The following SPIRE2 variants were observed in gnomAD, a reference collection of about 807,000 sequenced individuals.
The protein encoded by SPIRE2 is protein spire homolog 2.
SPIRE2 carries 76 observed loss-of-function variants against 80.7 expected under a neutral mutation model. That is an observed-to-expected ratio of 0.94 (90% confidence interval 0.78 to 1.14). The LOEUF (loss-of-function observed/expected upper bound fraction) is 1.14. Ranked by LOEUF, SPIRE2 falls within the 50% of genes most tolerant of loss-of-function variation. SPIRE2 has a pLI of 0.00. For missense variants in SPIRE2, 1,196 were observed against 1,015.3 expected (o/e 1.18, Z -2.42); for synonymous variants, 535 against 432.6 (o/e 1.24, Z -2.94).
intron 5 of SPIRE2, among the ~76,000 whole-genome samples, chr16:89,855,387 C>T (rs144661710): frequency 0.011 from 1,680 of 152,132 alleles, 36 homozygotes; most frequent in African/African-American, 0.038. Flanking sequence ...CAGGTGGGGA[C>T]GCGTCAGACC....
intron 7 of SPIRE2, among the ~76,000 whole-genome samples, chr16:89,857,284 C>T (rs1045202644): frequency 2.3e-4 from 35 of 151,654 alleles, no homozygotes; most frequent in Non-Finnish European, 1.9e-4. Flanking sequence ...GACAGGCATG[C>T]ACCACCACGC....
chr16:89,845,411 G>T, intron 2 of SPIRE2, 46 bp downstream of exon 2: 1 of 1,466,306 alleles, frequency 6.8e-7, no homozygotes, highest in Non-Finnish European at 9.6e-7. Context: ...GTGTTAAAAC[G>T]TACCTGCATC....
At chr16:89,848,396 T>C (rs1188939418) in intron 2 of SPIRE2, among the ~76,000 whole-genome samples, 1 of 152,254 alleles carries the variant, frequency 6.6e-6, no homozygotes, top group Non-Finnish European at 1.5e-5. Flanking sequence ...CTCCCACTGA[T>C]ATACTTCCCA....
intron 2 of SPIRE2, among the ~76,000 whole-genome samples, chr16:89,848,253 G>A (rs774879963): frequency 7.9e-5 from 12 of 152,232 alleles, no homozygotes; most frequent in Non-Finnish European, 1.6e-4. Context: ...CCAGGGCCCT[G>A]CTGTCACTGG....
chr16:89,858,366 C>T lies in SPIRE2; in HGVS notation c.1131C>T (p.Asn377=), dbSNP rs545955012. ...RGFGSLPCIL[N]ACSGDAKSTS... ...TTGGCTCTCTGCCCTGCATCCTCAA[C>T]GCCTGCTCCGGAGATGCCAAGTCCA... The change falls in exon 8 of 15, where the codon AAC becomes AAT. Residue 377 remains asparagine (N), a synonymous_variant. Transcript: ENST00000378247. 23 of 1,610,248 alleles carry T rather than the reference C, an allele frequency of 1.4e-5. No individual in the cohort carries two copies. Among genetic ancestry groups the T allele is most frequent in the Admixed American group, 3.4e-5 (2 of 59,660 alleles).
intron 12 of SPIRE2, among the ~76,000 whole-genome samples, chr16:89,867,480 GT>G (rs1432955533): frequency 1.3e-5 from 2 of 151,594 alleles, no homozygotes; most frequent in Non-Finnish European, 2.9e-5. Flanking sequence ...GTAGGTTTTT[GT>G]TTTTAAACTT....
At chr16:89,840,359 C>G (rs1010130368) in intron 1 of SPIRE2, among the ~76,000 whole-genome samples, 1 of 150,158 alleles carries the variant, frequency 6.7e-6, no homozygotes, top group African/African-American at 2.5e-5. Context: ...ACATCATTCT[C>G]CTGTCTCAGC....
chr16:89,869,678 T>C lies in SPIRE2; in HGVS notation c.1918T>C (p.Phe640Leu). 1 of 1,611,534 alleles carries C rather than the reference T, an allele frequency of 6.2e-7. No individual in the cohort carries two copies. The highest frequency in any genetic ancestry group is 1.7e-5 in the Admixed American group (1 of 60,010). The change falls in exon 14 of 15, where the codon TTT becomes CTT. Residue 640 changes from phenylalanine to leucine, a missense_variant. By Grantham distance (22) the Phe-to-Leu change is conservative (BLOSUM62 0). Coordinates refer to ENST00000378247, the MANE Select transcript of SPIRE2 (RefSeq NM_032451.2). The part of the protein sequence containing the change: ...KTAPIQRRDI[F>L]QSLQGPQWQS... ...CGCGCCAATCCAGAGAAGAGACATC[T>C]TTCAGTGCGTTCTTCGCCTTGCTGC...
chr16:89,868,478 A>G (rs3803688), intron 13 of SPIRE2, among the ~76,000 whole-genome samples: 25,359 of 152,130 alleles, frequency 0.17, 3,183 homozygotes, highest in East Asian at 0.64. Flanking sequence ...CTTACATTCT[A>G]TAACTTTTTG....
At chr16:89,832,228 C>G (rs2041392296) in intron 1 of SPIRE2, among the ~76,000 whole-genome samples, 1 of 152,252 alleles carries the variant, frequency 6.6e-6, no homozygotes, top group African/African-American at 2.4e-5. Context: ...TGGAGTCCAC[C>G]TTTGCCGAGG....
chr16:89,829,795 C>T (rs1314452327), intron 1 of SPIRE2, among the ~76,000 whole-genome samples: 1 of 151,460 alleles, frequency 6.6e-6, no homozygotes, highest in Non-Finnish European at 1.5e-5. Flanking sequence ...TGAGGTTTTA[C>T]TCCCTCTGGA....
intron 1 of SPIRE2, among the ~76,000 whole-genome samples, chr16:89,838,936 G>T (rs1175257169): frequency 6.6e-6 from 1 of 151,610 alleles, no homozygotes; most frequent in African/African-American, 2.4e-5. Context: ...CACCATGTTG[G>T]CCAGGCTGGT....
intron 1 of SPIRE2, among the ~76,000 whole-genome samples, chr16:89,844,980 C>T (rs1042318698): frequency 1.3e-5 from 2 of 152,204 alleles, no homozygotes; most frequent in African/African-American, 4.8e-5. Flanking sequence ...GACCTGTTGG[C>T]TGCTCTCCAG....
At chr16:89,842,459 C>T (rs965236801) in intron 1 of SPIRE2, among the ~76,000 whole-genome samples, 1 of 151,592 alleles carries the variant, frequency 6.6e-6, no homozygotes, top group African/African-American at 2.4e-5. Flanking sequence ...GTGATCCACC[C>T]ACTTCGGCCT....
chr16:89,850,064 C>T, intron 2 of SPIRE2: 1 of 642,452 alleles, frequency 1.6e-6, no homozygotes, highest in Non-Finnish European at 2.9e-6. Context: ...TCTTGAACTC[C>T]TGACCTCGTG....
At chr16:89,847,597 G>A (rs552908106) in intron 2 of SPIRE2, among the ~76,000 whole-genome samples, 1 of 152,180 alleles carries the variant, frequency 6.6e-6, no homozygotes, top group Admixed American at 6.6e-5. Flanking sequence ...CAGGAAAGAC[G>A]GCAAAGGAGT....
chr16:89,847,564 C>T (rs1390911439), intron 2 of SPIRE2, among the ~76,000 whole-genome samples: 2 of 152,164 alleles, frequency 1.3e-5, no homozygotes, highest in Admixed American at 1.3e-4. Context: ...GAGGCGCATA[C>T]GTTAACCTGA....
Position 89,828,665 on chromosome 16 carries a change from C to A in SPIRE2, c.115C>A (p.Gln39Lys). The change falls in exon 1 of 15, where the codon CAG becomes AAG. Residue 39 changes from glutamine (Q) to lysine (K), a missense_variant. Coordinates refer to ENST00000378247, the MANE Select transcript of SPIRE2 (RefSeq NM_032451.2). The surrounding 1 kb of genome is among the most constrained non-coding windows in gnomAD (Gnocchi z 5.9). ...CTACGAGCAGCCGCTCAACGAGGAG[C>A]AGGCGTGGGCCGTGTGCTTCCAGGG... ...KAYEQPLNEE[Q>K]AWAVCFQGCR... is the part of the protein sequence containing the mutation. 7.4e-7 allele frequency: 1 copy of A among 1,351,420 alleles called. No homozygotes were observed. The highest frequency in any genetic ancestry group is 9.6e-7 in the Non-Finnish European group (1 of 1,042,644). 83.7% of individuals were successfully genotyped at this position (1,351,420 alleles called of 1,614,324 possible). A position where few individuals can be genotyped will look rare whatever the true frequency, so the allele number is the denominator to read the frequency against.
chr16:89,857,448 A>G lies in SPIRE2; in HGVS notation c.1103-890A>G, dbSNP rs543800341. Reference sequence around the variant, plus strand: ...ACCATTCCCTGCCTAACATGATCTTATACCCTATTGTCCTGGTCTTCACCT... The same window carrying G: ...ACCATTCCCTGCCTAACATGATCTTGTACCCTATTGTCCTGGTCTTCACCT... On this transcript the variant is annotated intron_variant, in intron 7 of 14. Transcript: ENST00000378247. Among the ~76,000 whole-genome samples the G allele has an allele frequency of 1.2e-4, 19 of 152,012 alleles. No individual in the cohort carries two copies. In the South Asian group the frequency reaches 3.7e-3, roughly 30 times the overall value.
Sources: gnomAD v4.1 joint callset for allele counts (sites outside exome capture counted in the v4.1 genomes callset) on GRCh38, gnomAD v4.1.1 for gene constraint, Gnocchi (gnomAD v3.1) non-coding constraint, MANE v1.5 for transcripts, NCBI Gene and HGNC (gene_info 2026-07-23, HGNC 2026-07-21) for gene names.